The following CSMD1 variants were observed in gnomAD, a reference collection of about 807,000 sequenced individuals.
CSMD1 encodes the protein CUB and Sushi multiple domains 1.
A neutral mutation model predicts 417.5 loss-of-function variants in CSMD1; 213 were observed. That is an observed-to-expected ratio of 0.51 (90% confidence interval 0.46 to 0.57). The LOEUF is 0.57. CSMD1 is among the 20% of genes least tolerant of loss of function. The pLI is 0.00. For synonymous variants in CSMD1, 2,862 were observed against 1,736.8 expected (o/e 1.65, Z -16.11); for missense variants, 6,923 against 4,529.7 (o/e 1.53, Z -15.17).
chr8:4,068,529 T>G (rs748841819), intron 3 of CSMD1, among the ~76,000 whole-genome samples: 1 of 152,186 alleles, frequency 6.6e-6, no homozygotes, highest in Non-Finnish European at 1.5e-5. Context: ...CGACACAAAA[T>G]GCAGAAACAT....
At chr8:3,574,280 G>A (rs370245422) in intron 10 of CSMD1, among the ~76,000 whole-genome samples, 30 of 152,264 alleles carry the variant, frequency 2.0e-4, no homozygotes, top group Non-Finnish European at 3.5e-4. Context: ...TTGCTCTGTC[G>A]CCCAGGCTGG....
At chr8:3,888,320 A>G (rs1335431950) in intron 5 of CSMD1, among the ~76,000 whole-genome samples, 1 of 152,154 alleles carries the variant, frequency 6.6e-6, no homozygotes, top group Non-Finnish European at 1.5e-5. Flanking sequence ...CAAGGCAAGC[A>G]TTTGTATCCA....
chr8:4,476,279 C>T lies in CSMD1; in HGVS notation c.303-56214G>A, dbSNP rs570520757. Among the ~76,000 whole-genome samples the T allele has an allele frequency of 5.3e-5, 8 of 151,880 alleles. No homozygotes were observed. The South Asian group carries it at 1.3e-3, about 24-fold the overall frequency. ...ACTTTTTATTCATCATGATAGAGAC[C>T]GGATGTTTATAAGCATGTATCTATT... On this transcript the variant is annotated intron_variant, in intron 2 of 69. Coordinates refer to ENST00000635120, the MANE Select transcript of CSMD1 (RefSeq NM_033225.6).
chr8:4,483,582 G>GTGATTCA (rs1336446390), intron 2 of CSMD1, among the ~76,000 whole-genome samples: 10 of 152,094 alleles, frequency 6.6e-5, no homozygotes, highest in African/African-American at 2.4e-4. Flanking sequence ...AATCAAATAG[G>GTGATTCA]TGATTCATTT....
chr8:3,656,923 TAA>T (rs5888980), intron 7 of CSMD1, among the ~76,000 whole-genome samples: 4 of 142,496 alleles, frequency 2.8e-5, no homozygotes, highest in Non-Finnish European at 1.5e-5. Flanking sequence ...AGACTCTGTC[TAA>T]AAAAAAAAAA....
intron 5 of CSMD1, among the ~76,000 whole-genome samples, chr8:3,895,103 C>T (rs1373542234): frequency 2.0e-5 from 3 of 152,118 alleles, no homozygotes; most frequent in African/African-American, 4.8e-5. Flanking sequence ...GACTTCTTAA[C>T]ATATTGATTA....
At chr8:3,133,897 G>A (rs59248356) in intron 41 of CSMD1, among the ~76,000 whole-genome samples, 36 of 152,324 alleles carry the variant, frequency 2.4e-4, no homozygotes, top group East Asian at 9.7e-4. Flanking sequence ...CTGTCAGGCC[G>A]GGCGCGGTGG....
chr8:4,853,611 G>C (rs1003996020), intron 1 of CSMD1, among the ~76,000 whole-genome samples: 1 of 152,212 alleles, frequency 6.6e-6, no homozygotes, highest in Non-Finnish European at 1.5e-5. Context: ...CAGTGCCAAA[G>C]GGAAATGTGG....
chr8:3,738,717 T>C (rs142788713), intron 6 of CSMD1, among the ~76,000 whole-genome samples: 2 of 152,190 alleles, frequency 1.3e-5, no homozygotes, highest in African/African-American at 4.8e-5. Flanking sequence ...TGCCACCCTG[T>C]GGTCACCAAC....
At chr8:3,707,206 T>C (rs1317756669) in intron 7 of CSMD1, among the ~76,000 whole-genome samples, 1 of 152,212 alleles carries the variant, frequency 6.6e-6, no homozygotes, top group East Asian at 1.9e-4. Context: ...TATAGTATCG[T>C]TGTCAAAAGA....
At chr8:3,766,919 A>G (rs1010594042) in intron 5 of CSMD1, among the ~76,000 whole-genome samples, 2 of 152,174 alleles carry the variant, frequency 1.3e-5, no homozygotes, top group African/African-American at 4.8e-5. Flanking sequence ...TCAGCTGGTA[A>G]GATATCCAAC....
intron 3 of CSMD1, among the ~76,000 whole-genome samples, chr8:4,251,124 A>G (rs1803039461): frequency 6.6e-6 from 1 of 152,152 alleles, no homozygotes; most frequent in African/African-American, 2.4e-5. Flanking sequence ...CCTATAAATC[A>G]TTTTTTTAAA....
At chr8:4,958,622 T>C (rs1422475375) in intron 1 of CSMD1, among the ~76,000 whole-genome samples, 1 of 152,152 alleles carries the variant, frequency 6.6e-6, no homozygotes, top group African/African-American at 2.4e-5. Flanking sequence ...TAATAAGCTA[T>C]TCAAGTATGG....
Position 3,223,944 on chromosome 8 carries a change from C to T in CSMD1, c.4346-77G>A. ...TGCCAGTCAGTGTGGAAGGAGACAC[C>T]ACAGAATTCTTTAAGAAAAAGACAT... On this transcript the variant is annotated intron_variant, in intron 27 of 69. Coordinates refer to ENST00000635120, the MANE Select transcript of CSMD1 (RefSeq NM_033225.6). 11 of 1,419,758 alleles carry T rather than the reference C, an allele frequency of 7.7e-6. No homozygotes were observed. In the South Asian group the frequency reaches 1.2e-4, roughly 16 times the overall value. 87.9% of individuals were successfully genotyped at this position (1,419,758 alleles called of 1,614,324 possible).
chr8:3,216,588 T>A (rs984532671), intron 29 of CSMD1, among the ~76,000 whole-genome samples: 3 of 152,238 alleles, frequency 2.0e-5, no homozygotes, highest in African/African-American at 7.2e-5. Context: ...TTTTTCCCAA[T>A]GGACTGCATC....
intron 5 of CSMD1, among the ~76,000 whole-genome samples, chr8:3,899,247 G>C (rs1332773795): frequency 3.3e-5 from 5 of 152,154 alleles, no homozygotes; most frequent in Non-Finnish European, 7.4e-5. Flanking sequence ...GCACCAGTGT[G>C]GGCAGCCAAG....
intron 2 of CSMD1, among the ~76,000 whole-genome samples, chr8:4,628,843 T>C (rs746723300): frequency 1.3e-5 from 2 of 152,132 alleles, no homozygotes; most frequent in Non-Finnish European, 2.9e-5. Context: ...GCTCCCACCA[T>C]CATCTAGAAA....
At chr8:3,893,362 T>TATATATATATATATATATATATATATAA (rs1554476819) in intron 5 of CSMD1, among the ~76,000 whole-genome samples, 4 of 125,640 alleles carry the variant, frequency 3.2e-5, no homozygotes, top group Non-Finnish European at 6.9e-5. Flanking sequence ...TATATATATA[T>TATATATATATATATATATATATATATAA]TATTTTTTTT....
rs530872419 is a variant in CSMD1 at position 4,373,145 on chromosome 8, A to G, written c.415+46808T>C. On this transcript the variant is annotated intron_variant, in intron 3 of 69. Transcript: ENST00000635120. ...TGAGAAAAACATCAGACACCTCCCT[A>G]GGGAGGAGCAACCCATGATACCCCT... Among the ~76,000 whole-genome samples the G allele has an allele frequency of 2.7e-4, 41 of 152,254 alleles. 2 individuals are homozygous for G. In the South Asian group the frequency reaches 7.9e-3, roughly 29 times the overall value.
Sources: allele counts gnomAD v4.1 joint callset (sites outside exome capture counted in the v4.1 genomes callset), GRCh38; gene constraint gnomAD v4.1.1; transcripts MANE v1.5; gene names NCBI Gene and HGNC (gene_info 2026-07-23, HGNC 2026-07-21).